TMEM196: variants seen among roughly 807,000 people sequenced by gnomAD.
TMEM196 encodes the protein transmembrane protein 196.
In TMEM196, 17 loss-of-function variants were observed where a neutral mutation model predicts 20.0. The observed-to-expected ratio is 0.85, with a 90% CI of 0.58 to 1.27. The LOEUF (loss-of-function observed/expected upper bound fraction) is 1.27, where lower values mean the gene tolerates loss of function less well. TMEM196 is among the 50% of genes most tolerant of loss of function. The probability of loss-of-function intolerance (pLI) is 0.00; values close to 1 mark genes in which losing one functional copy is unlikely to be tolerated. For missense variants in TMEM196, 267 were observed against 223.0 expected, an observed-to-expected ratio of 1.20 and a Z score of -1.26; for synonymous variants, 113 against 88.9, an observed-to-expected ratio of 1.27 and a Z score of -1.52.
At chr7:19,741,105 T>C (rs1784569502) in intron 1 of TMEM196, among the ~76,000 whole-genome samples, 1 of 152,080 alleles carries the variant, frequency 6.6e-6, no homozygotes, top group African/African-American at 2.4e-5. Context: ...ACAGATGGAT[T>C]GAAAAAGGAA....
intron 1 of TMEM196, among the ~76,000 whole-genome samples, chr7:19,739,398 G>T (rs1156922394): frequency 6.6e-6 from 1 of 152,058 alleles, no homozygotes; most frequent in Non-Finnish European, 1.5e-5. Flanking sequence ...TTATAGATTT[G>T]TACAAATGAA....
At chr7:19,747,848 G>A (rs2128028440) in intron 1 of TMEM196, among the ~76,000 whole-genome samples, 1 of 152,266 alleles carries the variant, frequency 6.6e-6, no homozygotes, top group South Asian at 2.1e-4. Flanking sequence ...CGATGGGATA[G>A]GATGGAATAC....
intron 1 of TMEM196, among the ~76,000 whole-genome samples, chr7:19,749,313 G>A (rs1450608270): frequency 6.6e-6 from 1 of 152,106 alleles, no homozygotes; most frequent in Non-Finnish European, 1.5e-5. Context: ...CCCTCTCTTG[G>A]CTTAAGTTCC....
At chr7:19,758,777 C>A (rs1785315152) in intron 1 of TMEM196, among the ~76,000 whole-genome samples, 1 of 152,148 alleles carries the variant, frequency 6.6e-6, no homozygotes, top group East Asian at 1.9e-4. Context: ...TCAGGCTACA[C>A]AAAAAAGCAG....
In TMEM196 at chr7:19,769,420, A is replaced by G. The variant is rs184402929; in HGVS notation, c.147+3130T>C. The stretch of plus-strand genomic sequence containing the variant: ...GGCCCCAATCATTTTTTCTATCCTT[A>G]TCTTCCTCTTACACACCTAAGCCCC... On this transcript the variant is annotated intron_variant, in intron 1 of 4. Transcript: ENST00000405844. 2.9e-4 allele frequency among the ~76,000 whole-genome samples: 44 copies of G among 151,974 alleles called. No individual in the cohort carries two copies. The East Asian group carries it at 8.5e-3, about 29-fold the overall frequency.
chr7:19,730,677 T>C (rs756569718), intron 1 of TMEM196, among the ~76,000 whole-genome samples: 21 of 152,276 alleles, frequency 1.4e-4, no homozygotes, highest in Admixed American at 4.6e-4. Flanking sequence ...TCCAAATACA[T>C]ATCAAAATAT....
In TMEM196 at chr7:19,726,842, C is replaced by G. The variant is rs1441158709; in HGVS notation, c.205-1074G>C. ...TATGATACTAATTGAATTATGCAATCTAATTTCCATTCTTCTCGGGAACAC... is the reference window on the plus strand; with the variant it reads ...TATGATACTAATTGAATTATGCAATGTAATTTCCATTCTTCTCGGGAACAC... On this transcript the variant is annotated intron_variant, in intron 2 of 4. Coordinates refer to ENST00000405844, the MANE Select transcript of TMEM196 (RefSeq NM_001363562.2). Among the ~76,000 whole-genome samples, 4 of 152,258 alleles carry G rather than the reference C, an allele frequency of 2.6e-5. No individual in the cohort carries two copies. The East Asian group carries it at 5.8e-4, about 22-fold the overall frequency.
Position 19,764,307 on chromosome 7 carries a change from C to T in TMEM196, c.147+8243G>A, listed in dbSNP as rs147704486. Among the ~76,000 whole-genome samples, 4 of 152,180 alleles carry T rather than the reference C, an allele frequency of 2.6e-5. 1 individual carries two copies. Among genetic ancestry groups the T allele is most frequent in the Admixed American group, 1.3e-4 (2 of 15,274 alleles). On this transcript the variant is annotated intron_variant, in intron 1 of 4. Transcript: ENST00000405844. ...GATTGTCAAGTTCTGCCCTGCAGAG[C>T]TCTCCAAGCCTAGCAGGGTATCAAG... is the stretch of plus-strand genomic sequence containing the variant.
At chr7:19,732,720 A>T (rs1784257886) in intron 1 of TMEM196, among the ~76,000 whole-genome samples, 1 of 152,070 alleles carries the variant, frequency 6.6e-6, no homozygotes, top group Non-Finnish European at 1.5e-5. Flanking sequence ...CTGCAAGACC[A>T]TTGTTAATTT....
chr7:19,736,671 T>A (rs7783390), intron 1 of TMEM196, among the ~76,000 whole-genome samples: 30 of 151,122 alleles, frequency 2.0e-4, no homozygotes, highest in African/African-American at 7.3e-4. Flanking sequence ...CATTTTAGGG[T>A]TCTCCACTTC....
At chr7:19,733,632 A>T (rs902822412) in intron 1 of TMEM196, among the ~76,000 whole-genome samples, 6 of 148,722 alleles carry the variant, frequency 4.0e-5, no homozygotes, top group African/African-American at 1.3e-4. Flanking sequence ...TGCCACTCTA[A>T]CTGGAGGAAA....
chr7:19,756,801 G>T (rs1422703457), intron 1 of TMEM196, among the ~76,000 whole-genome samples: 1 of 152,066 alleles, frequency 6.6e-6, no homozygotes, highest in South Asian at 2.1e-4. Flanking sequence ...TGTCTGCATA[G>T]TATCCCAGGT....
At chr7:19,722,270 G>A in intron 4 of TMEM196, 136 bp from the exon 5 acceptor site, 1 of 664,722 alleles carries the variant, frequency 1.5e-6, no homozygotes, top group Non-Finnish European at 2.5e-6. Flanking sequence ...GGATATTGCT[G>A]TTATATTTGA....
intron 2 of TMEM196, 27 bp from the exon 3 acceptor site, chr7:19,725,795 A>G: frequency 6.4e-7 from 1 of 1,562,470 alleles, no homozygotes; most frequent in South Asian, 1.2e-5. Flanking sequence ...AGGCAGCGTT[A>G]AAGTTGAAAA....
chr7:19,744,639 A>G (rs1479854544), intron 1 of TMEM196, among the ~76,000 whole-genome samples: 1 of 152,220 alleles, frequency 6.6e-6, no homozygotes, highest in Admixed American at 6.5e-5. Flanking sequence ...AAAACAATTT[A>G]TAAGATATCT....
Position 19,773,593 on chromosome 7 carries a change from T to C in TMEM196, c.-897A>G, listed in dbSNP as rs995980668. On this transcript the variant is annotated 5_prime_UTR_variant, in exon 1 of 5. Transcript: ENST00000405844. ...TCCGCTTCTCCCCGTGGCTCCTTTC[T>C]GGGCTTCTATCCAGCGGAGAGGGGA... 21 of 169,372 alleles carry C rather than the reference T, an allele frequency of 1.2e-4. No individual in the cohort carries two copies. The highest frequency in any genetic ancestry group is 1.5e-4 in the Non-Finnish European group (10 of 68,420). The allele number at this position is 169,372 out of a possible 1,614,324, so 10.5% of individuals were successfully genotyped here.
At chr7:19,741,671 T>G (rs542832325) in intron 1 of TMEM196, among the ~76,000 whole-genome samples, 14 of 152,276 alleles carry the variant, frequency 9.2e-5, no homozygotes, top group Admixed American at 8.5e-4. Flanking sequence ...AAATAGACTT[T>G]TCTACATAAA....
intron 1 of TMEM196, among the ~76,000 whole-genome samples, chr7:19,731,372 A>G (rs1363377057): frequency 1.3e-5 from 2 of 152,212 alleles, no homozygotes; most frequent in African/African-American, 4.8e-5. Context: ...TCCTAAGTGT[A>G]GATGATCATG....
At chr7:19,736,014 T>A (rs1784387084) in intron 1 of TMEM196, among the ~76,000 whole-genome samples, 1 of 152,022 alleles carries the variant, frequency 6.6e-6, no homozygotes, top group Non-Finnish European at 1.5e-5. Flanking sequence ...AAATGTTAAA[T>A]GTTTAAAAAT....
Sources: gnomAD v4.1 joint callset for allele counts (sites outside exome capture counted in the v4.1 genomes callset) on GRCh38, gnomAD v4.1.1 for gene constraint, MANE v1.5 for transcripts, NCBI Gene and HGNC (gene_info 2026-07-23, HGNC 2026-07-21) for gene names.